Variants in OVCH2 observed in about 807,000 individuals in gnomAD.
OVCH2 encodes the protein ovochymase-2.
A neutral mutation model predicts 73.7 loss-of-function variants in OVCH2; 88 were observed. The ratio of observed to expected loss-of-function variants is 1.19; its 90% CI spans 1.01 to 1.43. The LOEUF (loss-of-function observed/expected upper bound fraction) is 1.43, where lower values mean the gene tolerates loss of function less well. Ranked by LOEUF, OVCH2 falls within the 40% of genes most tolerant of loss-of-function variation. The pLI, the probability that OVCH2 is intolerant of heterozygous loss-of-function variation, is 0.00. For missense variants in OVCH2, 706 were observed against 674.5 expected, an observed-to-expected ratio of 1.05 and a Z score of -0.52; for synonymous variants, 265 against 234.5, an observed-to-expected ratio of 1.13 and a Z score of -1.19.
At chr11:7,695,770 G>T in intron 10 of OVCH2, 60 bp from the exon 11 acceptor site, 2 of 1,546,626 alleles carry the variant, frequency 1.3e-6, no homozygotes, top group Non-Finnish European at 1.7e-6. Context: ...CCCATTCAAT[G>T]ATTTAAGAAG....
rs3924747 is a variant in OVCH2 at position 7,703,545 on chromosome 11, C to T, written c.290+153G>A. Among the ~76,000 whole-genome samples the T allele has an allele frequency of 0.22, 32,924 of 152,094 alleles. 4,587 individuals carry two copies. The highest frequency in any genetic ancestry group is 0.32 in the Non-Finnish European group (22,029 of 67,966). ...CCAAGTGCCATCTGACAATGTCACC[C>T]AGCCCCATTTGTGTCATGCAATTAG... On this transcript the variant is annotated intron_variant, in intron 3 of 15. Coordinates refer to ENST00000533663, the MANE Select transcript of OVCH2 (RefSeq NM_198185.7).
intron 7 of OVCH2, 94 bp downstream of exon 7, chr11:7,700,202 G>T: frequency 2.4e-6 from 3 of 1,233,278 alleles, no homozygotes; most frequent in Non-Finnish European, 3.4e-6. Context: ...AGAGCCTGTT[G>T]GTTCAGGTGC....
downstream of OVCH2, among the ~76,000 whole-genome samples, chr11:7,687,513 T>C (rs1856155854): frequency 6.6e-6 from 1 of 152,098 alleles, no homozygotes; most frequent in Non-Finnish European, 1.5e-5. Context: ...GACCTTTCTT[T>C]ATGAAAGTGA....
At chr11:7,700,610 T>C in intron 6 of OVCH2, 125 bp from the exon 7 acceptor site, 1 of 1,104,992 alleles carries the variant, frequency 9.0e-7, no homozygotes, top group Non-Finnish European at 1.3e-6. Flanking sequence ...TAATTTAGAC[T>C]CAGGGTCCTG....
rs749353800 is a variant in OVCH2, at chr11:7,702,163, G to T, written c.457C>A (p.Gln153Lys). Reference protein sequence around the residue: ...IALLKMAGAFQFGHFVGPICL... With the variant: ...IALLKMAGAFKFGHFVGPICL... The stretch of plus-strand genomic sequence containing the variant: ...ATGATCCTCAAATGTTTACCAAATT[G>T]GAAGGCTCCAGCCATCTTCAAAAGG... Residue 153 changes from glutamine to lysine, a missense_variant, in exon 4 of 16, where the codon CAA becomes AAA. By Grantham distance (53) the Gln-to-Lys change is moderately conservative. Coordinates refer to ENST00000533663, the MANE Select transcript of OVCH2 (RefSeq NM_198185.7). The T allele has an allele frequency of 1.1e-5, 18 of 1,607,594 alleles. No individual in the cohort carries two copies. Among genetic ancestry groups the T allele is most frequent in the Non-Finnish European group, 1.5e-5 (18 of 1,175,754 alleles).
the OVCH2 span, among the ~76,000 whole-genome samples, chr11:7,683,680 C>T: frequency 6.6e-6 from 1 of 152,184 alleles, no homozygotes; most frequent in Admixed American, 6.5e-5. Flanking sequence ...GCTGTCCTCC[C>T]ACCTACCTTC....
At chr11:7,687,421 G>A (rs191451069), downstream of OVCH2, among the ~76,000 whole-genome samples, 306 of 152,134 alleles carry the variant, frequency 2.0e-3, 1 homozygote, top group Non-Finnish European at 3.7e-3. Context: ...CTAGTGTATC[G>A]GAACTGCTTC....
At chr11:7,694,377 C>T (rs1269375039) in intron 12 of OVCH2, among the ~76,000 whole-genome samples, 2 of 152,166 alleles carry the variant, frequency 1.3e-5, no homozygotes, top group African/African-American at 2.4e-5. Flanking sequence ...TTGCCTTCCA[C>T]TGTCCACTCC....
chr11:7,688,933 C>A (rs1252784615), downstream of OVCH2, among the ~76,000 whole-genome samples: 1 of 152,192 alleles, frequency 6.6e-6, no homozygotes, highest in Non-Finnish European at 1.5e-5. Context: ...GTCATTGCCA[C>A]TGAATTATTC....
In OVCH2 at chr11:7,703,697, C is replaced by T. The variant is rs1392637861; in HGVS notation, c.290+1G>A. On this transcript the variant is annotated splice_donor_variant, in intron 3 of 15. Coordinates refer to ENST00000533663, the MANE Select transcript of OVCH2 (RefSeq NM_198185.7). LOFTEE classifies it high-confidence loss of function. Reference sequence around the variant, plus strand: ...TCACTCATGGGCTAGGCCTTTCTTACCTGTTTGCAATGCAGTGAGCCGCCG... The same window carrying T: ...TCACTCATGGGCTAGGCCTTTCTTATCTGTTTGCAATGCAGTGAGCCGCCG... 4 of 1,599,566 alleles carry T rather than the reference C, an allele frequency of 2.5e-6. No individual in the cohort carries two copies. Among genetic ancestry groups the T allele is most frequent in the Non-Finnish European group, 3.4e-6 (4 of 1,173,064 alleles).
At chr11:7,702,510 C>G (rs1239551448) in intron 3 of OVCH2, among the ~76,000 whole-genome samples, 181 bp from the exon 4 acceptor site, 1 of 152,140 alleles carries the variant, frequency 6.6e-6, no homozygotes, top group Non-Finnish European at 1.5e-5. Context: ...ATTCCAACTT[C>G]CAGTAGAGGA....
intron 8 of OVCH2, among the ~76,000 whole-genome samples, chr11:7,697,222 T>G (rs1463618772): frequency 6.6e-6 from 1 of 152,132 alleles, no homozygotes; most frequent in Non-Finnish European, 1.5e-5. Context: ...AGAAATTATT[T>G]GTGAGACAGA....
chr11:7,689,848 A>G (rs562721036), intron 15 of OVCH2, 76 bp downstream of exon 15: 36 of 892,504 alleles, frequency 4.0e-5, no homozygotes, highest in Middle Eastern at 4.2e-4. Context: ...ATGGAATTAA[A>G]TCCATATCAC....
chr11:7,704,759 G>T, intron 1 of OVCH2, 85 bp from the exon 2 acceptor site: 1 of 855,286 alleles, frequency 1.2e-6, no homozygotes, highest in Non-Finnish European at 1.9e-6. Flanking sequence ...ATGAAACTGA[G>T]TCTGAGACTA....
At chr11:7,690,136 A>G in intron 14 of OVCH2, 123 bp from the exon 15 acceptor site, 1 of 662,370 alleles carries the variant, frequency 1.5e-6, no homozygotes, top group East Asian at 2.8e-5. Flanking sequence ...GCTAGACTCT[A>G]TAGGTATTTC....
chr11:7,695,300 A>G, intron 11 of OVCH2, 112 bp from the exon 12 acceptor site: 1 of 1,291,268 alleles, frequency 7.7e-7, no homozygotes, highest in Non-Finnish European at 1.0e-6. Flanking sequence ...ATTTTCAGAC[A>G]CTGCGAACAA....
At position 7,698,993 on chromosome 11, in the gene OVCH2, A is replaced by C. The variant is rs145210226; in HGVS notation, c.902-220T>G. The C allele has an allele frequency of 1.5e-3, 747 of 483,840 alleles. 5 individuals carry two copies. The highest frequency in any genetic ancestry group is 0.014 in the African/African-American group (709 of 50,326). 30.0% of individuals were successfully genotyped at this position (483,840 alleles called of 1,614,324 possible). A position where few individuals can be genotyped will look rare whatever the true frequency, so the allele number is the denominator to read the frequency against. On this transcript the variant is annotated intron_variant, in intron 7 of 15. Coordinates refer to ENST00000533663, the MANE Select transcript of OVCH2 (RefSeq NM_198185.7). The stretch of plus-strand genomic sequence containing the variant: ...TCTCTTTATTAAGTGGGCTAATATG[A>C]AATGGTAATTAACTGGAGGTTTCAC...
At chr11:7,685,512 C>T (rs35673360), downstream of OVCH2, among the ~76,000 whole-genome samples, 24,462 of 151,988 alleles carry the variant, frequency 0.16, 2,053 homozygotes, top group African/African-American at 0.18. Context: ...TTAACAGATA[C>T]ATCCACCAAA....
At chr11:7,698,836 G>A (rs1265755970) in intron 7 of OVCH2, 63 bp from the exon 8 acceptor site, 19 of 1,543,958 alleles carry the variant, frequency 1.2e-5, no homozygotes, top group Non-Finnish European at 1.7e-5. Flanking sequence ...GCTTCAAGAA[G>A]TTAGCATCTT....
Sources: allele counts gnomAD v4.1 joint callset (sites outside exome capture counted in the v4.1 genomes callset), GRCh38; gene constraint gnomAD v4.1.1; transcripts MANE v1.5; gene names NCBI Gene and HGNC (gene_info 2026-07-23, HGNC 2026-07-21).